OSBPL8: variants seen among roughly 807,000 people sequenced by gnomAD.
OSBPL8 encodes the protein oxysterol-binding protein-related protein 8.
A neutral mutation model predicts 125.5 loss-of-function variants in OSBPL8; 59 were observed. The observed-to-expected ratio is 0.47, with a 90% confidence interval of 0.38 to 0.58. The LOEUF is 0.58. Among genes scored for constraint, OSBPL8 ranks in the 20% least tolerant of loss-of-function variants. The pLI, the probability that OSBPL8 is intolerant of heterozygous loss-of-function variation, is 0.00. For synonymous variants in OSBPL8, 330 were observed against 338.9 expected (o/e 0.97, Z 0.29); for missense variants, 758 against 1,047.8 (o/e 0.72, Z 3.82).
chr12:76,514,514 G>A (rs1460320870), intron 1 of OSBPL8, among the ~76,000 whole-genome samples: 1 of 152,128 alleles, frequency 6.6e-6, no homozygotes, highest in Non-Finnish European at 1.5e-5. Context: ...CTTCTGGCTT[G>A]TAGGGTTTCA....
chr12:76,411,251 C>T (rs545210186), intron 4 of OSBPL8, among the ~76,000 whole-genome samples: 1 of 152,204 alleles, frequency 6.6e-6, no homozygotes, highest in Admixed American at 6.5e-5. Flanking sequence ...TCATATAACA[C>T]TTTAATATAG....
chr12:76,483,968 C>A (rs74103479), intron 2 of OSBPL8, among the ~76,000 whole-genome samples: 1 of 152,024 alleles, frequency 6.6e-6, no homozygotes, highest in African/African-American at 2.4e-5. Flanking sequence ...AGCCACTGAG[C>A]CCGGCCTTGT....
intron 1 of OSBPL8, among the ~76,000 whole-genome samples, chr12:76,518,998 A>C (rs940660346): frequency 2.6e-5 from 4 of 152,140 alleles, no homozygotes; most frequent in African/African-American, 9.7e-5. Context: ...AGTCATGCTA[A>C]TCACTCTAGC....
At chr12:76,454,747 G>T (rs1477074607) in intron 3 of OSBPL8, among the ~76,000 whole-genome samples, 1 of 147,234 alleles carries the variant, frequency 6.8e-6, no homozygotes, top group African/African-American at 2.5e-5. Flanking sequence ...AAAAAAAAAG[G>T]TAACTACAAA....
chr12:76,473,385 T>C (rs999240889), intron 2 of OSBPL8, among the ~76,000 whole-genome samples: 2 of 152,150 alleles, frequency 1.3e-5, no homozygotes, highest in South Asian at 2.1e-4. Flanking sequence ...CACACTACCA[T>C]AGAAGTTTTA....
chr12:76,532,353 T>C (rs1031749904), intron 1 of OSBPL8, among the ~76,000 whole-genome samples: 3 of 152,126 alleles, frequency 2.0e-5, no homozygotes, highest in Non-Finnish European at 4.4e-5. Context: ...TCAAACAACA[T>C]AGCAAAACTA....
intron 5 of OSBPL8, among the ~76,000 whole-genome samples, chr12:76,409,299 C>G (rs918522604): frequency 6.6e-6 from 1 of 152,160 alleles, no homozygotes; most frequent in Admixed American, 6.6e-5. Flanking sequence ...AATCCAAACA[C>G]ACAGAGATAC....
intron 4 of OSBPL8, among the ~76,000 whole-genome samples, chr12:76,444,331 T>C (rs1188820856): frequency 2.0e-5 from 3 of 152,154 alleles, no homozygotes; most frequent in African/African-American, 7.2e-5. Context: ...AATAACAATA[T>C]AAAGCAGCAT....
chr12:76,400,265 T>C (rs1211777290), intron 6 of OSBPL8, among the ~76,000 whole-genome samples: 5 of 152,196 alleles, frequency 3.3e-5, no homozygotes, highest in East Asian at 1.9e-4. Flanking sequence ...ACATGCAGTA[T>C]TGGTTTCTGA....
chr12:76,552,551 A>G (rs1001029038), intron 1 of OSBPL8, among the ~76,000 whole-genome samples: 2 of 151,800 alleles, frequency 1.3e-5, no homozygotes, highest in African/African-American at 4.8e-5. Flanking sequence ...CTCCCTCACA[A>G]TAGCAGCCTA....
At chr12:76,505,545 G>A (rs1332614168) in intron 1 of OSBPL8, among the ~76,000 whole-genome samples, 1 of 152,030 alleles carries the variant, frequency 6.6e-6, no homozygotes, top group African/African-American at 2.4e-5. Context: ...AAATAGGAAG[G>A]AAGGAGTTGT....
In OSBPL8 at chr12:76,487,546, C is replaced by T. The variant is rs765629902; in HGVS notation, c.6G>A (p.Glu2=). The change falls in exon 2 of 24, where the codon GAG becomes GAA. Residue 2 remains glutamate (E), a synonymous_variant. Coordinates refer to ENST00000261183, the MANE Select transcript of OSBPL8 (RefSeq NM_020841.5). ...CAGGTTCTCCATCTGCCAAACCTCC[C>T]TCCATAATGAAAGAAGATAGGTTTA... is the stretch of plus-strand genomic sequence containing the variant. M[E]GGLADGEPDR... is the part of the protein sequence containing the mutation. 6.2e-7 allele frequency: 1 copy of T among 1,604,210 alleles called. No individual in the cohort carries two copies. Among genetic ancestry groups the T allele is most frequent in the Non-Finnish European group, 8.5e-7 (1 of 1,176,206 alleles).
chr12:76,515,204 C>T (rs1021823665), intron 1 of OSBPL8, among the ~76,000 whole-genome samples: 2 of 152,200 alleles, frequency 1.3e-5, no homozygotes, highest in African/African-American at 4.8e-5. Context: ...TACAGTCACT[C>T]GCAGGACACT....
rs1274223433 is a variant in OSBPL8, at chr12:76,386,160, T to G, written c.1533+8A>C. ...TCAGTTTTGTTTCCATACATGCATT[T>G]CTAATACCTGTTCAGCAATATAAAA... On this transcript the variant is annotated splice_region_variant and intron_variant, in intron 14 of 23. Coordinates refer to ENST00000261183, the MANE Select transcript of OSBPL8 (RefSeq NM_020841.5). The G allele has an allele frequency of 6.9e-6, 11 of 1,603,672 alleles. No homozygotes were observed. The highest frequency in any genetic ancestry group is 9.3e-6 in the Non-Finnish European group (11 of 1,176,884).
chr12:76,362,784 C>T (rs1440665916), intron 21 of OSBPL8, among the ~76,000 whole-genome samples: 1 of 152,178 alleles, frequency 6.6e-6, no homozygotes, highest in East Asian at 1.9e-4. Flanking sequence ...TAGAAAACCC[C>T]ATCGTCTCAG....
At chr12:76,434,148 C>T (rs144012092) in intron 4 of OSBPL8, among the ~76,000 whole-genome samples, 1 of 152,178 alleles carries the variant, frequency 6.6e-6, no homozygotes, top group Non-Finnish European at 1.5e-5. Flanking sequence ...CATTGGCATA[C>T]AGACAGACAT....
intron 15 of OSBPL8, among the ~76,000 whole-genome samples, chr12:76,383,687 C>T (rs1953162305): frequency 6.6e-6 from 1 of 151,980 alleles, no homozygotes; most frequent in South Asian, 2.1e-4. Flanking sequence ...TATATAAAAG[C>T]ATTTTAAGGT....
chr12:76,410,644 AT>A lies in OSBPL8; in HGVS notation c.218-11del. On this transcript the variant is annotated splice_polypyrimidine_tract_variant and intron_variant, in intron 4 of 23. Transcript: ENST00000261183. Reference sequence around the variant, plus strand: ...TTCCCTCTTTCAAAACCTTAAAAAAATAGTCAGCATATCAGTATTACTACTT... The same window carrying A: ...TTCCCTCTTTCAAAACCTTAAAAAAAAGTCAGCATATCAGTATTACTACTT... The A allele has an allele frequency of 6.5e-7, 1 of 1,548,582 alleles. No homozygotes were observed. Among genetic ancestry groups the A allele is most frequent in the Non-Finnish European group, 8.9e-7 (1 of 1,122,080 alleles).
chr12:76,401,046 G>A (rs1954033019), intron 6 of OSBPL8, among the ~76,000 whole-genome samples: 1 of 152,010 alleles, frequency 6.6e-6, no homozygotes, highest in South Asian at 2.1e-4. Flanking sequence ...GCCTCTCAAA[G>A]TGCTGGGATT....
Sources: gnomAD v4.1 joint callset for allele counts (sites outside exome capture counted in the v4.1 genomes callset) on GRCh38, gnomAD v4.1.1 for gene constraint, MANE v1.5 for transcripts, NCBI Gene and HGNC (gene_info 2026-07-23, HGNC 2026-07-21) for gene names.